CSN2: variants seen among roughly 807,000 people sequenced by gnomAD.
CSN2 encodes the protein beta-casein.
CSN2 carries 27 observed loss-of-function variants against 27.3 expected under a neutral mutation model. The ratio of observed to expected loss-of-function variants is 0.99; its 90% CI spans 0.73 to 1.36. CSN2 has a LOEUF of 1.36. Ranked by LOEUF, CSN2 falls within the 40% of genes most tolerant of loss-of-function variation. The probability of loss-of-function intolerance (pLI) is 0.00; values close to 1 mark genes in which losing one functional copy is unlikely to be tolerated. For synonymous variants in CSN2, 131 were observed against 94.8 expected, an observed-to-expected ratio of 1.38 and a Z score of -2.22; for missense variants, 333 against 264.5, an observed-to-expected ratio of 1.26 and a Z score of -1.80.
rs58260695 is a variant in CSN2 at position 69,956,031 on chromosome 4, C to T, written c.*36+283G>A. ...AAAGTAAAATAAGTATATATTCTGTCTTTCCTAAAAATAGTGATAATCAAA... is the reference window on the plus strand; with the variant it reads ...AAAGTAAAATAAGTATATATTCTGTTTTTCCTAAAAATAGTGATAATCAAA... On this transcript the variant is annotated intron_variant, in intron 7 of 7. Coordinates refer to ENST00000353151, the MANE Select transcript of CSN2 (RefSeq NM_001891.4). 2.2e-4 allele frequency among the ~76,000 whole-genome samples: 33 copies of T among 152,112 alleles called. No homozygotes were observed. In the East Asian group the frequency reaches 6.0e-3, roughly 28 times the overall value.
intron 2 of CSN2, 74 bp downstream of exon 2, chr4:69,960,871 G>A: frequency 8.8e-7 from 1 of 1,137,050 alleles, no homozygotes. Context: ...AAATGTTGGT[G>A]ATGTTATTCT....
At chr4:69,963,681 A>T (rs921763172) in intron 1 of CSN2, among the ~76,000 whole-genome samples, 1 of 152,218 alleles carries the variant, frequency 6.6e-6, no homozygotes, top group African/African-American at 2.4e-5. Flanking sequence ...GCACATGTAT[A>T]CATATGTAAC....
At chr4:69,956,737 G>A (rs1055978591) in intron 6 of CSN2, among the ~76,000 whole-genome samples, 2 of 152,116 alleles carry the variant, frequency 1.3e-5, no homozygotes, top group African/African-American at 4.8e-5. Flanking sequence ...TCCGGCTTTT[G>A]TAAGCCTTAA....
chr4:69,956,313 C>A lies in CSN2; in HGVS notation c.*36+1G>T. The A allele has an allele frequency of 7.2e-7, 1 of 1,389,456 alleles. No homozygotes were observed. Among genetic ancestry groups the A allele is most frequent in the Non-Finnish European group, 9.5e-7 (1 of 1,053,844 alleles). 86.1% of individuals were successfully genotyped at this position (1,389,456 alleles called of 1,614,324 possible). ...TAAATCTCCAAACTCCCAAAACTTA[C>A]CAAAAATAAGGAGGGAAAATTAACT... is the stretch of plus-strand genomic sequence containing the variant. On this transcript the variant is annotated splice_donor_variant, in intron 7 of 7. Coordinates refer to ENST00000353151, the MANE Select transcript of CSN2 (RefSeq NM_001891.4). LOFTEE classifies it low-confidence loss of function (3UTR_SPLICE).
At chr4:69,964,564 A>AT (rs1723734167) in intron 1 of CSN2, among the ~76,000 whole-genome samples, 1 of 151,694 alleles carries the variant, frequency 6.6e-6, no homozygotes, top group Non-Finnish European at 1.5e-5. Flanking sequence ...TTTTTTCTAG[A>AT]TTTTTTATGA....
chr4:69,960,896 A>G, intron 2 of CSN2, 49 bp downstream of exon 2: 2 of 1,415,026 alleles, frequency 1.4e-6, no homozygotes, highest in Non-Finnish European at 2.0e-6. Flanking sequence ...AAATAAGCAT[A>G]TAGTCCACTA....
chr4:69,957,136 T>C, intron 6 of CSN2, 138 bp downstream of exon 6: 1 of 954,464 alleles, frequency 1.0e-6, no homozygotes, highest in Non-Finnish European at 1.5e-6. Flanking sequence ...ACATGTACCC[T>C]AAAACTTAAA....
In CSN2 at chr4:69,957,535, A is replaced by AT; in HGVS notation, c.413dup (p.Asn138LysfsTer68). ...GGAGCAGAGGCAGAGGAAGATGCAG[A>AT]TTTTCAAGATCAGTGAGTTTTGGGA... On this transcript the variant is annotated frameshift_variant, in exon 6 of 8. Coordinates refer to ENST00000353151, the MANE Select transcript of CSN2 (RefSeq NM_001891.4). LOFTEE classifies it high-confidence loss of function. The AT allele has an allele frequency of 6.2e-7, 1 of 1,613,882 alleles. No individual in the cohort carries two copies. Among genetic ancestry groups the AT allele is most frequent in the Non-Finnish European group, 8.5e-7 (1 of 1,179,978 alleles).
At chr4:69,959,111 A>G (rs1295519273) in intron 3 of CSN2, 42 bp from the exon 4 acceptor site, 2 of 1,203,828 alleles carry the variant, frequency 1.7e-6, no homozygotes, top group Non-Finnish European at 2.3e-6. Context: ...AGTTTTAACA[A>G]TTCTTACTTT....
chr4:69,962,535 T>C (rs1318669409), intron 1 of CSN2, among the ~76,000 whole-genome samples: 1 of 152,128 alleles, frequency 6.6e-6, no homozygotes, highest in Non-Finnish European at 1.5e-5. Flanking sequence ...TAGCCATATG[T>C]AGAAAGCTGA....
At chr4:69,957,171 T>C in intron 6 of CSN2, 103 bp downstream of exon 6, 1 of 1,194,884 alleles carries the variant, frequency 8.4e-7, no homozygotes, top group South Asian at 1.8e-5. Context: ...GAATCACTTA[T>C]CTAAACTGTT....
chr4:69,962,263 G>C (rs776862), intron 1 of CSN2, among the ~76,000 whole-genome samples: 8,097 of 151,894 alleles, frequency 0.053, 668 homozygotes, highest in African/African-American at 0.18. Context: ...CAAAAAAGAG[G>C]CCACATTGCC....
Sources: allele counts gnomAD v4.1 joint callset (sites outside exome capture counted in the v4.1 genomes callset), GRCh38; gene constraint gnomAD v4.1.1; transcripts MANE v1.5; gene names NCBI Gene and HGNC (gene_info 2026-07-23, HGNC 2026-07-21).